ADAMTSL3: variants seen among roughly 807,000 people sequenced by gnomAD.
The protein encoded by ADAMTSL3 is ADAMTS like 3, also known as ADAMTS-like protein 3.
ADAMTSL3 carries 128 observed loss-of-function variants against 201.7 expected under a neutral mutation model. That is an observed-to-expected ratio of 0.63 (90% confidence interval 0.55 to 0.73). The LOEUF (loss-of-function observed/expected upper bound fraction) is 0.73. Among genes scored for constraint, ADAMTSL3 ranks in the 30% least tolerant of loss-of-function variants. ADAMTSL3 has a pLI of 0.00. For synonymous variants in ADAMTSL3, 738 were observed against 748.4 expected, an observed-to-expected ratio of 0.99 and a Z score of 0.23; for missense variants, 1,990 against 2,119.6, an observed-to-expected ratio of 0.94 and a Z score of 1.20.
intron 20 of ADAMTSL3, among the ~76,000 whole-genome samples, chr15:83,978,661 A>C (rs1481905660): frequency 6.6e-6 from 1 of 152,206 alleles, no homozygotes; most frequent in African/African-American, 2.4e-5. Context: ...GAAGTGGCTC[A>C]AACTGTGGAA....
intron 28 of ADAMTSL3, among the ~76,000 whole-genome samples, chr15:84,033,716 A>G (rs1452431833): frequency 6.6e-6 from 1 of 152,164 alleles, no homozygotes; most frequent in Non-Finnish European, 1.5e-5. Context: ...TTTTCTTCAC[A>G]GCCTCATCCA....
At chr15:83,736,300 T>C (rs541628778) in intron 3 of ADAMTSL3, among the ~76,000 whole-genome samples, 19 of 152,312 alleles carry the variant, frequency 1.2e-4, no homozygotes, top group Non-Finnish European at 2.2e-4. Flanking sequence ...AATAAAATAT[T>C]AGGCATTTTT....
chr15:83,747,600 C>G (rs146935742), intron 3 of ADAMTSL3, among the ~76,000 whole-genome samples: 1 of 152,172 alleles, frequency 6.6e-6, no homozygotes, highest in Non-Finnish European at 1.5e-5. Context: ...TAAGTGTTCC[C>G]CTGGAGGACG....
chr15:83,901,636 G>T (rs1264204851), intron 15 of ADAMTSL3, among the ~76,000 whole-genome samples: 1 of 152,162 alleles, frequency 6.6e-6, no homozygotes, highest in African/African-American at 2.4e-5. Context: ...ATACGTATGT[G>T]TTTGTTGTTT....
In ADAMTSL3 at chr15:83,875,589, C is replaced by A. The variant is rs1596342698; in HGVS notation, c.960+4630C>A. The stretch of plus-strand genomic sequence containing the variant: ...CATGAGATCAGGAGATCAAGACCAT[C>A]CTGGCCAACATGGTGAAACCCCATC... On this transcript the variant is annotated intron_variant, in intron 9 of 29. Coordinates refer to ENST00000286744, the MANE Select transcript of ADAMTSL3 (RefSeq NM_207517.3). Among the ~76,000 whole-genome samples the A allele has an allele frequency of 3.3e-5, 5 of 152,144 alleles. No individual in the cohort carries two copies. The South Asian group carries it at 1.0e-3, about 32-fold the overall frequency.
intron 16 of ADAMTSL3, among the ~76,000 whole-genome samples, chr15:83,919,819 C>T (rs143244958): frequency 2.5e-4 from 38 of 152,086 alleles, no homozygotes; most frequent in African/African-American, 8.9e-4. Flanking sequence ...CAAGCACAGT[C>T]GTGGAGATTG....
chr15:83,656,781 C>T (rs2061090346), intron 2 of ADAMTSL3, among the ~76,000 whole-genome samples: 1 of 152,160 alleles, frequency 6.6e-6, no homozygotes, highest in African/African-American at 2.4e-5. Flanking sequence ...CTCAGGGTCT[C>T]GGAAGGGACT....
rs148245310 is a variant in ADAMTSL3, at chr15:83,862,834, A to G, written c.802+3994A>G. On this transcript the variant is annotated intron_variant, in intron 8 of 29. Transcript: ENST00000286744. ...AAAGACACAGACTGGCAAATTGGAT[A>G]AAGAGTCAAGACCTATCAGTGTGCT... is the stretch of plus-strand genomic sequence containing the variant. 220 of 152,358 alleles carry G rather than the reference A, an allele frequency of 1.4e-3. 1 individual carries two copies. The highest frequency in any genetic ancestry group is 5.1e-3 in the African/African-American group (210 of 41,584). 9.4% of individuals were successfully genotyped at this position (152,358 alleles called of 1,614,324 possible). A position where few individuals can be genotyped will look rare whatever the true frequency, so the allele number is the denominator to read the frequency against.
At chr15:83,688,783 T>C (rs767173072) in intron 2 of ADAMTSL3, among the ~76,000 whole-genome samples, 7,865 of 77,448 alleles carry the variant, frequency 0.1, 259 homozygotes, top group Middle Eastern at 0.16. Flanking sequence ...CACACACACA[T>C]ACACACACAC....
At chr15:84,032,501 A>G (rs1313609225) in intron 28 of ADAMTSL3, among the ~76,000 whole-genome samples, 1 of 152,268 alleles carries the variant, frequency 6.6e-6, no homozygotes, top group East Asian at 1.9e-4. Context: ...GAGAAGATAC[A>G]GACCACACAC....
At chr15:83,849,166 C>T (rs558854829) in intron 7 of ADAMTSL3, among the ~76,000 whole-genome samples, 2 of 152,252 alleles carry the variant, frequency 1.3e-5, no homozygotes, top group Non-Finnish European at 2.9e-5. Context: ...TAGACACGGT[C>T]GCCTAGGCTG....
intron 3 of ADAMTSL3, 67 bp from the exon 4 acceptor site, chr15:83,773,456 T>C: frequency 6.5e-7 from 1 of 1,546,774 alleles, no homozygotes; most frequent in Admixed American, 1.9e-5. Context: ...TTTGGGATAT[T>C]TCTACCACAT....
chr15:83,882,073 G>A (rs2065283054), intron 9 of ADAMTSL3, among the ~76,000 whole-genome samples: 1 of 151,424 alleles, frequency 6.6e-6, no homozygotes, highest in African/African-American at 2.4e-5. Flanking sequence ...GGAGAATGGT[G>A]TGAACCCGGG....
chr15:83,727,473 A>G (rs2062196621), intron 3 of ADAMTSL3, among the ~76,000 whole-genome samples: 1 of 151,780 alleles, frequency 6.6e-6, no homozygotes, highest in African/African-American at 2.4e-5. Flanking sequence ...AAGATGCATC[A>G]TTAGGTTGTT....
At position 83,818,320 on chromosome 15, in the gene ADAMTSL3, G is replaced by A. The variant is rs2063800567; in HGVS notation, c.364-1491G>A. 3.9e-5 allele frequency among the ~76,000 whole-genome samples: 6 copies of A among 152,092 alleles called. 1 individual carries two copies. In the South Asian group the frequency reaches 1.2e-3, roughly 32 times the overall value. On this transcript the variant is annotated intron_variant, in intron 5 of 29. Coordinates refer to ENST00000286744, the MANE Select transcript of ADAMTSL3 (RefSeq NM_207517.3). ...AAAAAATAATAAAATACTTTATGGT[G>A]TGGTTTTTTTGTTTTGTTTTTTTGG...
chr15:83,783,222 C>T (rs549612808), intron 4 of ADAMTSL3, among the ~76,000 whole-genome samples: 37 of 151,574 alleles, frequency 2.4e-4, no homozygotes, highest in Admixed American at 7.3e-4. Flanking sequence ...CTGGGATGCA[C>T]GTTCAATTTC....
At chr15:83,867,683 A>C (rs905816785) in intron 8 of ADAMTSL3, among the ~76,000 whole-genome samples, 1 of 152,306 alleles carries the variant, frequency 6.6e-6, no homozygotes, top group East Asian at 1.9e-4. Context: ...TATAAGTTTG[A>C]TGTATTTATA....
chr15:83,664,998 A>T (rs1268889462), intron 2 of ADAMTSL3, among the ~76,000 whole-genome samples: 1 of 152,092 alleles, frequency 6.6e-6, no homozygotes, highest in Non-Finnish European at 1.5e-5. Flanking sequence ...GCTGATCAGG[A>T]GGTGGTGGAG....
At chr15:83,715,553 A>G (rs924265554) in intron 3 of ADAMTSL3, among the ~76,000 whole-genome samples, 1 of 152,084 alleles carries the variant, frequency 6.6e-6, no homozygotes, top group African/African-American at 2.4e-5. Flanking sequence ...TGTCTTTTCC[A>G]CCAGGCTTTG....
Sources: allele counts gnomAD v4.1 joint callset (sites outside exome capture counted in the v4.1 genomes callset), GRCh38; gene constraint gnomAD v4.1.1; transcripts MANE v1.5; gene names NCBI Gene and HGNC (gene_info 2026-07-23, HGNC 2026-07-21).